EDA: variants seen among roughly 807,000 people sequenced by gnomAD.
EDA encodes ectodysplasin-A.
EDA carries 2 observed loss-of-function variants against 23.6 expected under a neutral mutation model. That is an observed-to-expected ratio of 0.08 (90% confidence interval 0.03 to 0.27). The LOEUF is 0.27. Among genes scored for constraint, EDA ranks in the 10% least tolerant of loss-of-function variants. The pLI is 1.00. For missense variants in EDA, 229 were observed against 324.2 expected (o/e 0.71, Z 2.26); for synonymous variants, 131 against 132.0 (o/e 0.99, Z 0.05).
chrX:69,772,469 CATTTT>C (rs1251528055), intron 1 of EDA, among the ~76,000 whole-genome samples: 1 of 111,705 alleles, frequency 9.0e-6, no homozygotes, highest in African/African-American at 3.3e-5. Flanking sequence ...TAAAATTCAA[CATTTT>C]ATTTTATTTT....
Position 69,829,217 on chromosome X carries a change from C to T in EDA, c.397-127810C>T, listed in dbSNP as rs753147985. On this transcript the variant is annotated intron_variant, in intron 1 of 7. Transcript: ENST00000374552. ...CTAGTTCCCAACACAGTGCTGTCCA[C>T]GCATAAAGATGGTAAATATTTGTTA... Among the ~76,000 whole-genome samples, 4 of 112,109 alleles carry T rather than the reference C, an allele frequency of 3.6e-5. 1 individual carries two copies. In the South Asian group the frequency reaches 1.1e-3, roughly 31 times the overall value.
At chrX:69,773,043 C>T (rs1006301602) in intron 1 of EDA, among the ~76,000 whole-genome samples, 3 of 111,731 alleles carry the variant, frequency 2.7e-5, no homozygotes, top group South Asian at 3.7e-4. Context: ...ACACTTCTTC[C>T]GTTACACATT....
intron 1 of EDA, among the ~76,000 whole-genome samples, chrX:69,848,275 A>G (rs1305183477): frequency 9.0e-6 from 1 of 111,545 alleles, no homozygotes; most frequent in Non-Finnish European, 1.9e-5. Flanking sequence ...TTGGTTGTGA[A>G]TAGGCATTGG....
chrX:69,733,947 T>A (rs2013151438), intron 1 of EDA, among the ~76,000 whole-genome samples: 1 of 110,400 alleles, frequency 9.1e-6, no homozygotes, highest in Admixed American at 9.7e-5. Flanking sequence ...TAATAATCGC[T>A]TCATATAAAA....
Position 69,616,714 on chromosome X carries a change from C to T in EDA, c.396+10C>T, listed in dbSNP as rs754163471. 6.6e-6 allele frequency: 8 copies of T among 1,209,789 alleles called. No individual in the cohort carries two copies. In the Admixed American group the frequency reaches 1.1e-4, roughly 16 times the overall value. ...CCAGGACGGGCACCAGGTGAGTCAC[C>T]TAGTAGGGGCGGCGGCGGCCCCCTC... On this transcript the variant is annotated intron_variant, in intron 1 of 7. Coordinates refer to ENST00000374552, the MANE Select transcript of EDA (RefSeq NM_001399.5).
At chrX:69,981,699 C>T (rs1031988270) in intron 2 of EDA, among the ~76,000 whole-genome samples, 1 of 112,141 alleles carries the variant, frequency 8.9e-6, no homozygotes, top group Non-Finnish European at 1.9e-5. Flanking sequence ...TGTGCCCTCA[C>T]TTTATGTGCT....
chrX:69,773,018 T>C (rs1341019174), intron 1 of EDA, among the ~76,000 whole-genome samples: 2 of 111,860 alleles, frequency 1.8e-5, no homozygotes, highest in East Asian at 5.6e-4. Flanking sequence ...CCTCTATCCA[T>C]TAAGCAGTCA....
chrX:69,956,841 C>T (rs1307198162), intron 1 of EDA, among the ~76,000 whole-genome samples, 186 bp from the exon 2 acceptor site: 1 of 111,669 alleles, frequency 9.0e-6, no homozygotes, highest in Non-Finnish European at 1.9e-5. Flanking sequence ...AATGTCATGC[C>T]TACATGATTG....
At chrX:69,893,553 T>C (rs1332465635) in intron 1 of EDA, among the ~76,000 whole-genome samples, 1 of 112,325 alleles carries the variant, frequency 8.9e-6, no homozygotes, top group Non-Finnish European at 1.9e-5. Flanking sequence ...TCCTTTCCAC[T>C]ATTTTATGTT....
chrX:69,904,673 CT>C (rs764913153), intron 1 of EDA, among the ~76,000 whole-genome samples: 8 of 112,196 alleles, frequency 7.1e-5, no homozygotes, highest in African/African-American at 2.6e-4. Flanking sequence ...TTTATCCACC[CT>C]CCCCACTAGC....
intron 1 of EDA, among the ~76,000 whole-genome samples, chrX:69,811,550 A>G (rs1020712586): frequency 8.9e-6 from 1 of 111,837 alleles, no homozygotes; most frequent in African/African-American, 3.2e-5. Flanking sequence ...GCCAAAAGCA[A>G]GAGAAGAAAG....
chrX:69,685,079 A>G (rs1195259539), intron 1 of EDA, among the ~76,000 whole-genome samples: 1 of 112,256 alleles, frequency 8.9e-6, no homozygotes, highest in Non-Finnish European at 1.9e-5. Flanking sequence ...GTCTGGAAGT[A>G]TTCATTACTT....
chrX:69,855,424 C>T (rs910254869), intron 1 of EDA, among the ~76,000 whole-genome samples: 3 of 111,906 alleles, frequency 2.7e-5, no homozygotes, highest in Non-Finnish European at 5.6e-5. Flanking sequence ...CCTAAGTTTT[C>T]TTCCAGGGTT....
At chrX:69,835,237 T>C (rs2016741895) in intron 1 of EDA, among the ~76,000 whole-genome samples, 1 of 111,626 alleles carries the variant, frequency 9.0e-6, no homozygotes, top group African/African-American at 3.3e-5. Context: ...TTCTCTGTAT[T>C]TCCTGAATTT....
At chrX:69,704,154 A>G (rs2011621428) in intron 1 of EDA, among the ~76,000 whole-genome samples, 1 of 111,968 alleles carries the variant, frequency 8.9e-6, no homozygotes, top group Admixed American at 9.5e-5. Flanking sequence ...TGTTAGGGAG[A>G]CAAGACATCA....
chrX:69,642,535 A>G (rs1932852480), intron 1 of EDA, among the ~76,000 whole-genome samples: 1 of 111,166 alleles, frequency 9.0e-6, no homozygotes, highest in Non-Finnish European at 1.9e-5. Context: ...TATAAAAATG[A>G]CAAAACATTT....
intron 1 of EDA, among the ~76,000 whole-genome samples, chrX:69,771,351 C>T (rs2014634471): frequency 1.8e-5 from 2 of 111,452 alleles, no homozygotes; most frequent in Non-Finnish European, 3.8e-5. Context: ...AGCCACCACA[C>T]CTGGCCAAGA....
chrX:69,968,019 T>G (rs2019198476), intron 2 of EDA, among the ~76,000 whole-genome samples: 1 of 111,572 alleles, frequency 9.0e-6, no homozygotes, highest in Admixed American at 9.5e-5. Context: ...AGCTAGAGAT[T>G]CATTAAGCAT....
At chrX:69,835,451 T>C (rs1254840304) in intron 1 of EDA, among the ~76,000 whole-genome samples, 1 of 111,930 alleles carries the variant, frequency 8.9e-6, no homozygotes, top group Non-Finnish European at 1.9e-5. Context: ...TCTCACTTTA[T>C]TTCATTAATT....
Sources: gnomAD v4.1 joint callset for allele counts (sites outside exome capture counted in the v4.1 genomes callset) on GRCh38, gnomAD v4.1.1 for gene constraint, MANE v1.5 for transcripts, NCBI Gene and HGNC (gene_info 2026-07-23, HGNC 2026-07-21) for gene names.